The following LRRC4C variants were observed in gnomAD, a reference collection of about 807,000 sequenced individuals.
LRRC4C encodes leucine-rich repeat-containing protein 4C.
In LRRC4C, 5 loss-of-function variants were observed where a neutral mutation model predicts 33.6. The ratio of observed to expected loss-of-function variants is 0.15; its 90% CI spans 0.08 to 0.31. The LOEUF (loss-of-function observed/expected upper bound fraction) is 0.31. Ranked by LOEUF, LRRC4C falls within the 10% of genes least tolerant of loss-of-function variation. The pLI, the probability that LRRC4C is intolerant of heterozygous loss-of-function variation, is 1.00. For synonymous variants in LRRC4C, 329 were observed against 302.0 expected, an observed-to-expected ratio of 1.09 and a Z score of -0.93; for missense variants, 560 against 796.7, an observed-to-expected ratio of 0.70 and a Z score of 3.58.
At chr11:40,182,325 T>C (rs897030770) in intron 5 of LRRC4C, among the ~76,000 whole-genome samples, 9 of 152,118 alleles carry the variant, frequency 5.9e-5, no homozygotes, top group Non-Finnish European at 1.0e-4. Context: ...CTCCCAGATA[T>C]AAACCTCACA....
chr11:40,347,213 G>A (rs578180063), intron 3 of LRRC4C, among the ~76,000 whole-genome samples: 90 of 152,298 alleles, frequency 5.9e-4, no homozygotes, highest in African/African-American at 2.1e-3. Context: ...TCCTACATCA[G>A]CACTTGCTAC....
chr11:40,605,340 A>T (rs1960465887), intron 3 of LRRC4C, among the ~76,000 whole-genome samples: 1 of 152,192 alleles, frequency 6.6e-6, no homozygotes. Context: ...GAATGTGAAT[A>T]TAAGGGAGAT....
At chr11:41,440,624 C>A (rs1330817141) in intron 1 of LRRC4C, among the ~76,000 whole-genome samples, 9 of 152,018 alleles carry the variant, frequency 5.9e-5, no homozygotes, top group African/African-American at 2.2e-4. Context: ...TGGTTTGGTT[C>A]TATGTCCCCA....
intron 5 of LRRC4C, among the ~76,000 whole-genome samples, chr11:40,166,056 C>T (rs1172414816): frequency 6.6e-6 from 1 of 152,186 alleles, no homozygotes; most frequent in Non-Finnish European, 1.5e-5. Flanking sequence ...TAAAGTTGAT[C>T]ATATTCATGC....
intron 3 of LRRC4C, among the ~76,000 whole-genome samples, chr11:40,412,693 T>C (rs1323208461): frequency 6.6e-6 from 1 of 152,022 alleles, no homozygotes; most frequent in Non-Finnish European, 1.5e-5. Flanking sequence ...AGTTCTGCGA[T>C]TGTAGTTAAG....
chr11:40,518,409 T>C lies in LRRC4C; in HGVS notation c.-270+129733A>G, dbSNP rs181933810. Among the ~76,000 whole-genome samples, 26 of 152,072 alleles carry C rather than the reference T, an allele frequency of 1.7e-4. 1 individual carries two copies. Among genetic ancestry groups the C allele is most frequent in the African/African-American group, 6.0e-4 (25 of 41,486 alleles). On this transcript the variant is annotated intron_variant, in intron 3 of 6. Transcript: ENST00000528697. Reference sequence around the variant, plus strand: ...AATCTACAAAGAAGTTAAACAAATTTACAAGAAAAAAACAACCCCATCAAA... The same window carrying C: ...AATCTACAAAGAAGTTAAACAAATTCACAAGAAAAAAACAACCCCATCAAA...
At chr11:40,439,232 G>A (rs1307141240) in intron 3 of LRRC4C, among the ~76,000 whole-genome samples, 2 of 151,796 alleles carry the variant, frequency 1.3e-5, no homozygotes, top group Non-Finnish European at 2.9e-5. Flanking sequence ...GAGCCACTGG[G>A]CCTGGCCTAT....
At chr11:40,235,355 C>T (rs1865484159) in intron 5 of LRRC4C, among the ~76,000 whole-genome samples, 1 of 152,152 alleles carries the variant, frequency 6.6e-6, no homozygotes, top group African/African-American at 2.4e-5. Context: ...GTGTAATTTT[C>T]ACAGATTACT....
chr11:41,289,770 A>G (rs1323669691), intron 1 of LRRC4C, among the ~76,000 whole-genome samples: 1 of 152,204 alleles, frequency 6.6e-6, no homozygotes, highest in East Asian at 1.9e-4. Flanking sequence ...CAGCCCTAGC[A>G]TACTAATATA....
chr11:41,449,032 G>C (rs950921739), intron 1 of LRRC4C, among the ~76,000 whole-genome samples: 1 of 152,190 alleles, frequency 6.6e-6, no homozygotes, highest in African/African-American at 2.4e-5. Context: ...GGGAAGATTT[G>C]AGTTAATTAT....
At chr11:40,684,586 A>T (rs1258057921) in intron 2 of LRRC4C, among the ~76,000 whole-genome samples, 1 of 151,968 alleles carries the variant, frequency 6.6e-6, no homozygotes, top group African/African-American at 2.4e-5. Flanking sequence ...GATTTTTTTT[A>T]GAATTGAGAG....
intron 1 of LRRC4C, among the ~76,000 whole-genome samples, chr11:41,353,686 C>T (rs376409689): frequency 1.3e-5 from 2 of 152,138 alleles, no homozygotes; most frequent in African/African-American, 4.8e-5. Context: ...ATCAAGTAGG[C>T]TTTATTCCTG....
chr11:40,310,250 C>A (rs1945236808), intron 4 of LRRC4C, among the ~76,000 whole-genome samples: 1 of 152,138 alleles, frequency 6.6e-6, no homozygotes, highest in African/African-American at 2.4e-5. Context: ...GTGCTAGAGG[C>A]ATTTTGAAAT....
chr11:40,356,211 C>A (rs1344593571), intron 3 of LRRC4C, among the ~76,000 whole-genome samples: 1 of 152,056 alleles, frequency 6.6e-6, no homozygotes, highest in Non-Finnish European at 1.5e-5. Flanking sequence ...GTACCTATTT[C>A]ATGCTATCAA....
At chr11:41,258,467 A>G (rs1565524975) in intron 1 of LRRC4C, among the ~76,000 whole-genome samples, 1 of 152,146 alleles carries the variant, frequency 6.6e-6, no homozygotes. Context: ...TTTAATATCT[A>G]TATTATCTCA....
chr11:41,376,266 C>G (rs1343213051), intron 1 of LRRC4C, among the ~76,000 whole-genome samples: 1 of 152,140 alleles, frequency 6.6e-6, no homozygotes, highest in Non-Finnish European at 1.5e-5. Context: ...TAAGAATATG[C>G]CACTTTGCCA....
intron 1 of LRRC4C, among the ~76,000 whole-genome samples, chr11:40,939,603 A>G (rs1259605988): frequency 1.3e-5 from 2 of 152,148 alleles, no homozygotes. Flanking sequence ...CACTTTGTAT[A>G]TAGCTTTGGA....
intron 1 of LRRC4C, among the ~76,000 whole-genome samples, chr11:41,252,767 A>G (rs1312436831): frequency 6.6e-6 from 1 of 152,178 alleles, no homozygotes; most frequent in African/African-American, 2.4e-5. Context: ...TCACAATCAT[A>G]GCAGAAGGTG....
intron 1 of LRRC4C, among the ~76,000 whole-genome samples, chr11:40,960,874 C>T (rs759147320): frequency 1.3e-5 from 2 of 151,714 alleles, no homozygotes; most frequent in Non-Finnish European, 3.0e-5. Flanking sequence ...TATAATGACA[C>T]TTTCCACCAG....
Sources: gnomAD v4.1 joint callset for allele counts (sites outside exome capture counted in the v4.1 genomes callset) on GRCh38, gnomAD v4.1.1 for gene constraint, MANE v1.5 for transcripts, NCBI Gene and HGNC (gene_info 2026-07-23, HGNC 2026-07-21) for gene names.